Variants in SAMD3 observed in about 807,000 individuals in gnomAD.
SAMD3 encodes sterile alpha motif domain containing 3.
In SAMD3, 63 loss-of-function variants were observed where a neutral mutation model predicts 58.5. That is an observed-to-expected ratio of 1.08 (90% CI 0.88 to 1.33). The LOEUF is 1.33. SAMD3 is among the 40% of genes most tolerant of loss of function. The probability of loss-of-function intolerance (pLI) is 0.00; values close to 1 mark genes in which losing one functional copy is unlikely to be tolerated. For missense variants in SAMD3, 604 were observed against 608.4 expected (o/e 0.99, Z 0.08); for synonymous variants, 220 against 210.3 (o/e 1.05, Z -0.40).
At chr6:130,309,095 G>C (rs1201756186) in intron 2 of SAMD3, among the ~76,000 whole-genome samples, 1 of 152,142 alleles carries the variant, frequency 6.6e-6, no homozygotes, top group East Asian at 1.9e-4. Flanking sequence ...AGTGAGAAGA[G>C]AGCCTTCTCC....
Position 130,154,868 on chromosome 6 carries a change from T to C in SAMD3, c.980A>G (p.Lys327Arg). The change falls in exon 9 of 12, where the codon AAG becomes AGG. Residue 327 changes from lysine to arginine, a missense_variant. Physicochemically the swap from Lys to Arg is conservative, Grantham distance 26. Coordinates refer to ENST00000439090, the MANE Select transcript of SAMD3 (RefSeq NM_001017373.4). The part of the protein sequence containing the change: ...RKMIGSRTPL[K>R]DILKLFPFLK... ...GAAAGGAAACAGTTTAAGAATGTCCTTCAGAGGTGTTCGGCTGCCAATCAT... is the reference window on the plus strand; with the variant it reads ...GAAAGGAAACAGTTTAAGAATGTCCCTCAGAGGTGTTCGGCTGCCAATCAT... 6.2e-7 allele frequency: 1 copy of C among 1,613,312 alleles called. No homozygotes were observed. Among genetic ancestry groups the C allele is most frequent in the Admixed American group, 1.7e-5 (1 of 59,932 alleles).
chr6:130,316,539 A>G (rs1776378225), intron 1 of SAMD3, among the ~76,000 whole-genome samples: 1 of 152,276 alleles, frequency 6.6e-6, no homozygotes, highest in Non-Finnish European at 1.5e-5. Context: ...TTCAGGTACT[A>G]TGATAAGAGC....
intron 2 of SAMD3, among the ~76,000 whole-genome samples, chr6:130,285,556 G>A (rs1383633254): frequency 1.3e-5 from 2 of 152,140 alleles, no homozygotes; most frequent in Non-Finnish European, 1.5e-5. Context: ...AGGATAAAAA[G>A]CCAATATGCT....
intron 8 of SAMD3, chr6:130,162,039 G>A (rs1409050461): frequency 1.1e-5 from 5 of 461,190 alleles, no homozygotes; most frequent in East Asian, 6.7e-5. Context: ...GGAAGTGTAG[G>A]ACTCACCTTT....
At chr6:130,343,472 T>G (rs1443392810) in intron 1 of SAMD3, among the ~76,000 whole-genome samples, 2 of 152,208 alleles carry the variant, frequency 1.3e-5, no homozygotes, top group Non-Finnish European at 1.5e-5. Flanking sequence ...TTCTGTTATT[T>G]TCCTGATTCA....
chr6:130,345,886 C>A (rs1322741489), intron 1 of SAMD3, among the ~76,000 whole-genome samples: 1 of 152,142 alleles, frequency 6.6e-6, no homozygotes, highest in Non-Finnish European at 1.5e-5. Flanking sequence ...TGTCATTGTG[C>A]CTGTTCCCAA....
intron 9 of SAMD3, among the ~76,000 whole-genome samples, chr6:130,150,623 G>T (rs1377795361): frequency 6.6e-6 from 1 of 151,984 alleles, no homozygotes; most frequent in Non-Finnish European, 1.5e-5. Context: ...TCAAACTTAG[G>T]CATGGTTCTC....
intron 2 of SAMD3, among the ~76,000 whole-genome samples, chr6:130,273,756 G>A (rs966705685): frequency 1.2e-4 from 19 of 152,100 alleles, no homozygotes; most frequent in African/African-American, 4.1e-4. Flanking sequence ...GAAGTATTAA[G>A]TATGCTTTAA....
intron 2 of SAMD3, among the ~76,000 whole-genome samples, chr6:130,260,884 A>T (rs1401072281): frequency 6.6e-6 from 1 of 152,226 alleles, no homozygotes; most frequent in Non-Finnish European, 1.5e-5. Flanking sequence ...TGGTAAGACT[A>T]GTCTTTGGAA....
chr6:130,297,065 T>C (rs1775596087), intron 2 of SAMD3, among the ~76,000 whole-genome samples: 1 of 152,222 alleles, frequency 6.6e-6, no homozygotes, highest in African/African-American at 2.4e-5. Flanking sequence ...CACCATCTAT[T>C]GGATTGCAGC....
intron 2 of SAMD3, among the ~76,000 whole-genome samples, chr6:130,243,419 A>G (rs772384750): frequency 4.6e-5 from 7 of 152,172 alleles, no homozygotes; most frequent in Non-Finnish European, 8.8e-5. Context: ...AAGAGAGGAA[A>G]GAATACAAGA....
intron 9 of SAMD3, among the ~76,000 whole-genome samples, chr6:130,148,670 TG>T (rs1461522805): frequency 6.6e-6 from 1 of 152,126 alleles, no homozygotes; most frequent in Non-Finnish European, 1.5e-5. Flanking sequence ...CCCAGGAGTT[TG>T]AGACCAGCCT....
chr6:130,253,594 G>T (rs1773819220), intron 2 of SAMD3, among the ~76,000 whole-genome samples: 1 of 151,854 alleles, frequency 6.6e-6, no homozygotes. Flanking sequence ...ACTCAACAAT[G>T]CTATATTTAT....
At chr6:130,240,079 C>T (rs1017635414) in intron 2 of SAMD3, among the ~76,000 whole-genome samples, 3 of 152,242 alleles carry the variant, frequency 2.0e-5, no homozygotes, top group Non-Finnish European at 2.9e-5. Flanking sequence ...AATGCAAACC[C>T]ATGCTGCACA....
chr6:130,311,927 A>C (rs988370830), intron 2 of SAMD3, among the ~76,000 whole-genome samples: 1 of 152,146 alleles, frequency 6.6e-6, no homozygotes, highest in African/African-American at 2.4e-5. Flanking sequence ...AAGAAGTACC[A>C]GCGAGAGAAG....
chr6:130,251,639 A>G (rs1773741837), intron 2 of SAMD3, among the ~76,000 whole-genome samples: 1 of 152,188 alleles, frequency 6.6e-6, no homozygotes, highest in African/African-American at 2.4e-5. Context: ...TATTTCCCTG[A>G]TTGAATGGGC....
chr6:130,220,054 T>C (rs1358864408), intron 1 of SAMD3, among the ~76,000 whole-genome samples: 3 of 152,294 alleles, frequency 2.0e-5, no homozygotes, highest in South Asian at 2.1e-4. Context: ...CAGACTGGAG[T>C]GCAGTGGCAC....
intron 2 of SAMD3, among the ~76,000 whole-genome samples, chr6:130,305,551 T>C (rs1364611954): frequency 6.6e-6 from 1 of 152,206 alleles, no homozygotes; most frequent in Non-Finnish European, 1.5e-5. Flanking sequence ...CCTTTGTAGA[T>C]TCCCTTTTTC....
chr6:130,287,939 G>A (rs990430538), intron 2 of SAMD3, among the ~76,000 whole-genome samples: 10 of 126,954 alleles, frequency 7.9e-5, no homozygotes, highest in Admixed American at 1.7e-4. Context: ...GCATGACTCC[G>A]TCTCAAAAAA....
Sources: gnomAD v4.1 joint callset for allele counts (sites outside exome capture counted in the v4.1 genomes callset) on GRCh38, gnomAD v4.1.1 for gene constraint, MANE v1.5 for transcripts, NCBI Gene and HGNC (gene_info 2026-07-23, HGNC 2026-07-21) for gene names.